PTPRD: variants seen among roughly 807,000 people sequenced by gnomAD.
PTPRD encodes the protein receptor-type tyrosine-protein phosphatase delta.
In PTPRD, 34 loss-of-function variants were observed where a neutral mutation model predicts 214.5. That is an observed-to-expected ratio of 0.16 (90% CI 0.12 to 0.21). PTPRD has a LOEUF of 0.21. PTPRD is among the 10% of genes least tolerant of loss of function. The pLI, the probability that PTPRD is intolerant of heterozygous loss-of-function variation, is 1.00. For synonymous variants in PTPRD, 1,128 were observed against 845.7 expected, an observed-to-expected ratio of 1.33 and a Z score of -5.79; for missense variants, 2,545 against 2,398.7, an observed-to-expected ratio of 1.06 and a Z score of -1.27.
At chr9:8,922,656 CAG>C (rs952042709) in intron 11 of PTPRD, among the ~76,000 whole-genome samples, 3 of 151,966 alleles carry the variant, frequency 2.0e-5, no homozygotes, top group Non-Finnish European at 4.4e-5. Context: ...TTTTTTGAGA[CAG>C]AGTCTCGCTC....
chr9:8,897,072 T>C (rs1214005649), intron 11 of PTPRD, among the ~76,000 whole-genome samples: 2 of 152,212 alleles, frequency 1.3e-5, no homozygotes, highest in Admixed American at 6.6e-5. Flanking sequence ...GGATAAATTA[T>C]GTTTGCTGAT....
At chr9:10,274,478 G>T (rs2094574104) in intron 3 of PTPRD, among the ~76,000 whole-genome samples, 1 of 152,074 alleles carries the variant, frequency 6.6e-6, no homozygotes, top group Admixed American at 6.6e-5. Flanking sequence ...TAAAAAAGGA[G>T]AATTTGGTTT....
At chr9:9,893,118 T>C (rs747855342) in intron 5 of PTPRD, among the ~76,000 whole-genome samples, 6 of 151,960 alleles carry the variant, frequency 3.9e-5, no homozygotes, top group Non-Finnish European at 5.9e-5. Flanking sequence ...TTGGAGAATA[T>C]CACTATATAG....
intron 3 of PTPRD, among the ~76,000 whole-genome samples, chr9:10,336,212 A>G (rs2096841467): frequency 2.0e-5 from 3 of 151,814 alleles, no homozygotes; most frequent in Admixed American, 1.3e-4. Context: ...TAAGTGAAAG[A>G]CTTAAGTCTT....
chr9:10,241,067 T>C (rs374773258), intron 3 of PTPRD, among the ~76,000 whole-genome samples: 2 of 151,220 alleles, frequency 1.3e-5, no homozygotes, highest in African/African-American at 4.8e-5. Flanking sequence ...CAAAAATATC[T>C]ATATGGATTA....
At chr9:9,732,510 T>A (rs75360869) in intron 7 of PTPRD, among the ~76,000 whole-genome samples, 1 of 151,968 alleles carries the variant, frequency 6.6e-6, no homozygotes, top group African/African-American at 2.4e-5. Flanking sequence ...AAATGAAAAA[T>A]GATGGAATTT....
At chr9:9,602,421 A>G (rs960326901) in intron 7 of PTPRD, among the ~76,000 whole-genome samples, 1 of 152,020 alleles carries the variant, frequency 6.6e-6, no homozygotes, top group African/African-American at 2.4e-5. Context: ...CAATGTGTTA[A>G]GTACGTGGTG....
At chr9:8,917,054 CTTTT>C (rs61077928) in intron 11 of PTPRD, among the ~76,000 whole-genome samples, 1 of 125,798 alleles carries the variant, frequency 7.9e-6, no homozygotes, top group Non-Finnish European at 1.7e-5. Context: ...CATTTTCTTT[CTTTT>C]TTTTTTTTTT....
At chr9:9,534,749 G>A (rs1416365641) in intron 8 of PTPRD, among the ~76,000 whole-genome samples, 27 of 151,962 alleles carry the variant, frequency 1.8e-4, no homozygotes, top group Non-Finnish European at 2.9e-5. Context: ...TGGAATCATT[G>A]TACATAGTCA....
At chr9:8,440,646 G>C (rs1056042063) in intron 34 of PTPRD, among the ~76,000 whole-genome samples, 2 of 152,154 alleles carry the variant, frequency 1.3e-5, no homozygotes, top group African/African-American at 2.4e-5. Flanking sequence ...CATCAAATCT[G>C]TTAAGACTTT....
intron 11 of PTPRD, among the ~76,000 whole-genome samples, chr9:8,923,537 A>G (rs1441207451): frequency 6.6e-6 from 1 of 152,174 alleles, no homozygotes; most frequent in East Asian, 1.9e-4. Context: ...CATTATGTGA[A>G]TTCACCAGCA....
intron 4 of PTPRD, among the ~76,000 whole-genome samples, chr9:9,973,291 C>A (rs1049074262): frequency 6.8e-6 from 1 of 146,128 alleles, no homozygotes; most frequent in Non-Finnish European, 1.5e-5. Flanking sequence ...AGTGGTGAGA[C>A]CTTGTCTTTC....
chr9:9,555,977 T>C (rs2081420406), intron 8 of PTPRD, among the ~76,000 whole-genome samples: 1 of 152,144 alleles, frequency 6.6e-6, no homozygotes. Flanking sequence ...ACTCCTTTTA[T>C]GGCCTTAGAT....
At chr9:9,450,711 T>C (rs1392737890) in intron 8 of PTPRD, among the ~76,000 whole-genome samples, 2 of 150,608 alleles carry the variant, frequency 1.3e-5, no homozygotes, top group East Asian at 3.9e-4. Context: ...AAAAACTGTA[T>C]GAAGAAAAAT....
At chr9:9,716,449 A>T (rs1036168955) in intron 7 of PTPRD, among the ~76,000 whole-genome samples, 2 of 151,908 alleles carry the variant, frequency 1.3e-5, no homozygotes, top group African/African-American at 4.8e-5. Flanking sequence ...ACAAGGGTTG[A>T]ACTAGTTTAC....
chr9:9,066,039 A>G (rs899183667), intron 10 of PTPRD, among the ~76,000 whole-genome samples: 1 of 152,186 alleles, frequency 6.6e-6, no homozygotes, highest in Non-Finnish European at 1.5e-5. Flanking sequence ...GTCATCTCCA[A>G]TGACAATATA....
chr9:8,898,596 T>C (rs1412987313), intron 11 of PTPRD, among the ~76,000 whole-genome samples: 1 of 152,216 alleles, frequency 6.6e-6, no homozygotes, highest in Non-Finnish European at 1.5e-5. Context: ...ATACAGAGGT[T>C]GAGTGAGATT....
At chr9:9,089,969 G>A (rs1286976084) in intron 10 of PTPRD, among the ~76,000 whole-genome samples, 1 of 151,868 alleles carries the variant, frequency 6.6e-6, no homozygotes, top group Non-Finnish European at 1.5e-5. Context: ...CATATTTATG[G>A]GGTATATGTG....
intron 4 of PTPRD, among the ~76,000 whole-genome samples, chr9:9,968,838 A>G (rs532606179): frequency 1.3e-5 from 2 of 152,284 alleles, no homozygotes; most frequent in South Asian, 4.1e-4. Flanking sequence ...AAACTTAATG[A>G]AAAAGAACCA....
Sources: allele counts gnomAD v4.1 joint callset (sites outside exome capture counted in the v4.1 genomes callset), GRCh38; gene constraint gnomAD v4.1.1; transcripts MANE v1.5; gene names NCBI Gene and HGNC (gene_info 2026-07-23, HGNC 2026-07-21).